KIAA2012: variants seen among roughly 807,000 people sequenced by gnomAD.
KIAA2012 encodes the protein KIAA2012, also known as uncharacterized protein KIAA2012.
Under a neutral mutation model 150.6 loss-of-function variants are expected in KIAA2012, and 125 were observed. The ratio of observed to expected loss-of-function variants is 0.83; its 90% CI spans 0.72 to 0.96. The LOEUF (loss-of-function observed/expected upper bound fraction) is 0.96, where lower values mean the gene tolerates loss of function less well. Ranked by LOEUF, KIAA2012 falls within the 40% of genes least tolerant of loss-of-function variation. The pLI, the probability that KIAA2012 is intolerant of heterozygous loss-of-function variation, is 0.00. For synonymous variants in KIAA2012, 462 were observed against 504.7 expected, an observed-to-expected ratio of 0.92 and a Z score of 1.13; for missense variants, 1,219 against 1,354.9, an observed-to-expected ratio of 0.90 and a Z score of 1.57.
In KIAA2012 at chr2:202,188,152, G is replaced by C. The variant is rs1471199009; in HGVS notation, c.2377G>C (p.Glu793Gln). The change falls in exon 18 of 24, where the codon GAG becomes CAG. Residue 793 changes from glutamate (E) to glutamine (Q), a missense_variant and splice_region_variant. Coordinates refer to ENST00000498697, the MANE Select transcript of KIAA2012 (RefSeq NM_001277372.4). ...CCCTTCCTTGATTTTTCACCTTTAG[G>C]AGAGGGATTTGATTAACGAGGCCAA... ...SQETSANISH[E>Q]RDLINEAKRK... is the part of the protein sequence containing the mutation. 2.6e-6 allele frequency: 4 copies of C among 1,549,282 alleles called. No homozygotes were observed. The South Asian group carries it at 3.6e-5, about 14-fold the overall frequency.
Position 202,193,501 on chromosome 2 carries a change from C to G in KIAA2012, c.3012C>G (p.Ile1004Met). ...AGCAGCAGAGACGTACAGAAGAGAT[C>G]CGGTAGGTTGGGCAAGCCAAAGAGA... The part of the protein sequence containing the change: ...ELEQQRRTEE[I>M]RLRKQRLQEE... The change falls in exon 20 of 24, where the codon ATC becomes ATG. Residue 1004 changes from isoleucine to methionine, a missense_variant and splice_region_variant. Transcript: ENST00000498697. The G allele has an allele frequency of 6.5e-7, 1 of 1,549,920 alleles. No individual in the cohort carries two copies. Among genetic ancestry groups the G allele is most frequent in the South Asian group, 1.2e-5 (1 of 84,026 alleles).
chr2:202,110,376 T>G (rs1431533001), intron 10 of KIAA2012, among the ~76,000 whole-genome samples: 2 of 152,044 alleles, frequency 1.3e-5, no homozygotes, highest in Non-Finnish European at 2.9e-5. Context: ...CAAGAGCAGC[T>G]CCCCCGGGGC....
intron 11 of KIAA2012, among the ~76,000 whole-genome samples, chr2:202,122,878 A>G (rs1009567320): frequency 3.3e-5 from 5 of 152,174 alleles, no homozygotes; most frequent in African/African-American, 1.2e-4. Flanking sequence ...TGTCTCCTGT[A>G]TTGTAATTAA....
At chr2:202,089,805 T>C (rs1000113916) in intron 2 of KIAA2012, among the ~76,000 whole-genome samples, 4 of 152,240 alleles carry the variant, frequency 2.6e-5, no homozygotes, top group Non-Finnish European at 4.4e-5. Flanking sequence ...AGGGACTTCC[T>C]GGGTGGATGA....
At chr2:202,105,627 TG>T in intron 8 of KIAA2012, 133 bp from the exon 9 acceptor site, 1 of 1,207,714 alleles carries the variant, frequency 8.3e-7, no homozygotes, top group Non-Finnish European at 1.1e-6. Flanking sequence ...TAGCCCTCTC[TG>T]GAATCAGCAA....
chr2:202,193,580 G>A, intron 20 of KIAA2012, 77 bp downstream of exon 20: 8 of 1,424,196 alleles, frequency 5.6e-6, no homozygotes, highest in Non-Finnish European at 7.6e-6. Context: ...CTCCCCTAGG[G>A]GCAATGTTTG....
intron 13 of KIAA2012, among the ~76,000 whole-genome samples, chr2:202,146,915 A>G (rs923507353): frequency 1.3e-5 from 2 of 152,208 alleles, no homozygotes; most frequent in African/African-American, 4.8e-5. Flanking sequence ...TATTTCCCTC[A>G]TGGGGTCATG....
intron 10 of KIAA2012, among the ~76,000 whole-genome samples, chr2:202,110,889 G>A (rs1347399099): frequency 1.3e-5 from 2 of 151,946 alleles, no homozygotes; most frequent in Non-Finnish European, 2.9e-5. Context: ...TTCTGTGTTT[G>A]CAGCTTCTGT....
At position 202,180,371 on chromosome 2, in the gene KIAA2012, T is replaced by C. The variant is rs150960218; in HGVS notation, c.2120-4382T>C. The stretch of plus-strand genomic sequence containing the variant: ...TATCTACTTAAACATGTTTAAAGTA[T>C]GTTTTGTTTTGCAGACTTTTTCATA... On this transcript the variant is annotated intron_variant, in intron 15 of 23. Coordinates refer to ENST00000498697, the MANE Select transcript of KIAA2012 (RefSeq NM_001277372.4). 4.5e-4 allele frequency among the ~76,000 whole-genome samples: 68 copies of C among 152,280 alleles called. 3 individuals are homozygous for C. In the East Asian group the frequency reaches 0.013, roughly 29 times the overall value.
chr2:202,175,946 T>C (rs1321549061), intron 15 of KIAA2012, among the ~76,000 whole-genome samples: 2 of 152,196 alleles, frequency 1.3e-5, no homozygotes, highest in African/African-American at 4.8e-5. Context: ...AAACTTGATA[T>C]ATGGCAATGG....
chr2:202,167,511 T>A (rs1165027049), intron 15 of KIAA2012, among the ~76,000 whole-genome samples: 2 of 152,166 alleles, frequency 1.3e-5, no homozygotes, highest in Non-Finnish European at 2.9e-5. Flanking sequence ...AGCAACTCAA[T>A]TTAACCTGTT....
chr2:202,088,682 G>A (rs1187092302), intron 2 of KIAA2012, among the ~76,000 whole-genome samples: 3 of 152,162 alleles, frequency 2.0e-5, no homozygotes, highest in Non-Finnish European at 4.4e-5. Flanking sequence ...CACCAAAAAC[G>A]AGGTATTATG....
rs537756656 is a variant in KIAA2012 at position 202,104,305 on chromosome 2, A to C, written c.1324+1191A>C. Among the ~76,000 whole-genome samples, 22 of 152,326 alleles carry C rather than the reference A, an allele frequency of 1.4e-4. 1 individual carries two copies. The highest frequency in any genetic ancestry group is 7.8e-4 in the Admixed American group (12 of 15,302). On this transcript the variant is annotated intron_variant, in intron 8 of 23. Coordinates refer to ENST00000498697, the MANE Select transcript of KIAA2012 (RefSeq NM_001277372.4). The surrounding 1 kb of genome is among the most constrained non-coding windows in gnomAD (Gnocchi z 4.3). The stretch of plus-strand genomic sequence containing the variant: ...TAAAAAAAATAATAATAATAAATAA[A>C]ATCAACAACACAGTGTTTTAAAATG...
At chr2:202,197,094 T>G in intron 22 of KIAA2012, 75 bp downstream of exon 22, 2 of 1,542,986 alleles carry the variant, frequency 1.3e-6, no homozygotes, top group Non-Finnish European at 1.7e-6. Flanking sequence ...AGTGCTAGCT[T>G]TGCACTGCCT....
intron 11 of KIAA2012, 86 bp from the exon 12 acceptor site, chr2:202,125,128 C>T: frequency 1.8e-6 from 2 of 1,090,816 alleles, no homozygotes; most frequent in South Asian, 1.4e-5. Context: ...GCAATCACTT[C>T]ATGTTTTCCC....
At chr2:202,138,065 T>C (rs1277251476) in intron 12 of KIAA2012, 1 of 165,196 alleles carries the variant, frequency 6.1e-6, no homozygotes, top group African/African-American at 2.4e-5. Context: ...AGTGCAGTCA[T>C]ACAAAATTTA....
At chr2:202,156,197 C>T (rs1691520983) in intron 14 of KIAA2012, among the ~76,000 whole-genome samples, 5 of 151,386 alleles carry the variant, frequency 3.3e-5, no homozygotes, top group African/African-American at 1.2e-4. Context: ...ATAGTGAGAC[C>T]CCATCTCTAT....
At chr2:202,133,101 T>TAAAAAAAAAAAA (rs376450801) in intron 12 of KIAA2012, among the ~76,000 whole-genome samples, 15 of 74,160 alleles carry the variant, frequency 2.0e-4, no homozygotes, top group African/African-American at 9.0e-4. Context: ...TGAGACTGTC[T>TAAAAAAAAAAAA]AAAAAAAAAT....
chr2:202,172,791 T>G (rs1691920671), intron 15 of KIAA2012, among the ~76,000 whole-genome samples: 1 of 152,200 alleles, frequency 6.6e-6, no homozygotes, highest in Admixed American at 6.5e-5. Flanking sequence ...CCAGGAGTCC[T>G]GGTGGTGCCA....
Sources: allele counts gnomAD v4.1 joint callset (sites outside exome capture counted in the v4.1 genomes callset), GRCh38; gene constraint gnomAD v4.1.1; non-coding constraint Gnocchi (gnomAD v3.1); transcripts MANE v1.5; gene names NCBI Gene and HGNC (gene_info 2026-07-23, HGNC 2026-07-21).